TCF7L1: variants seen among roughly 807,000 people sequenced by gnomAD.
TCF7L1 encodes the protein transcription factor 7 like 1.
TCF7L1 carries 18 observed loss-of-function variants against 63.7 expected under a neutral mutation model. That is an observed-to-expected ratio of 0.28 (90% CI 0.20 to 0.42). The LOEUF is 0.42. TCF7L1 is among the 10% of genes least tolerant of loss of function. The pLI is 1.00. For synonymous variants in TCF7L1, 355 were observed against 340.9 expected (o/e 1.04, Z -0.46); for missense variants, 654 against 779.3 (o/e 0.84, Z 1.91).
At chr2:85,155,800 G>T (rs1264079147) in intron 3 of TCF7L1, among the ~76,000 whole-genome samples, 1 of 151,924 alleles carries the variant, frequency 6.6e-6, no homozygotes. Flanking sequence ...TACCCACCAG[G>T]CCCGTCTGCA....
chr2:85,300,350 T>G (rs1681939964), intron 4 of TCF7L1, among the ~76,000 whole-genome samples: 1 of 152,246 alleles, frequency 6.6e-6, no homozygotes, highest in Non-Finnish European at 1.5e-5. Context: ...AAATCTGATC[T>G]TACAATAATT....
intron 3 of TCF7L1, among the ~76,000 whole-genome samples, chr2:85,143,024 A>G (rs1677781955): frequency 6.6e-6 from 1 of 152,234 alleles, no homozygotes; most frequent in Admixed American, 6.5e-5. Context: ...TGGAAATAAA[A>G]TCATAAAAAT....
chr2:85,249,469 T>TC (rs1680542664), intron 3 of TCF7L1, among the ~76,000 whole-genome samples: 1 of 152,206 alleles, frequency 6.6e-6, no homozygotes, highest in Non-Finnish European at 1.5e-5. Flanking sequence ...TGTGCCTCTT[T>TC]CCTTTTTTTC....
chr2:85,227,847 C>G (rs1045327344), intron 3 of TCF7L1, among the ~76,000 whole-genome samples: 1 of 151,598 alleles, frequency 6.6e-6, no homozygotes, highest in Non-Finnish European at 1.5e-5. Flanking sequence ...TAAAAATTAG[C>G]CAGGCGTGGT....
intron 3 of TCF7L1, among the ~76,000 whole-genome samples, chr2:85,140,426 G>C (rs1677699317): frequency 6.6e-6 from 1 of 151,978 alleles, no homozygotes; most frequent in Non-Finnish European, 1.5e-5. Flanking sequence ...AGGATGGAAG[G>C]GAGCATTGGG....
At chr2:85,261,172 G>GT (rs1558649433) in intron 3 of TCF7L1, among the ~76,000 whole-genome samples, 7 of 140,660 alleles carry the variant, frequency 5.0e-5, no homozygotes, top group African/African-American at 1.1e-4. Flanking sequence ...GTGTGTGTGT[G>GT]GTATTTCATA....
chr2:85,302,663 T>G (rs762190975), intron 5 of TCF7L1, 47 bp downstream of exon 5: 3 of 1,461,454 alleles, frequency 2.1e-6, no homozygotes, highest in East Asian at 6.1e-5. Flanking sequence ...GCAGGCGGGC[T>G]TCTCTTTTGT....
At chr2:85,262,342 C>A in intron 3 of TCF7L1, 1 of 492,776 alleles carries the variant, frequency 2.0e-6, no homozygotes, top group Non-Finnish European at 4.1e-6. Flanking sequence ...AGCACACCCG[C>A]ACGCTGCCTC....
In TCF7L1 at chr2:85,226,816, CTTTTT is replaced by C. The variant is rs58016100; in HGVS notation, c.442-56665_442-56661del. Among the ~76,000 whole-genome samples the C allele has an allele frequency of 1.7e-3, 228 of 137,430 alleles. 3 individuals are homozygous for C. Among genetic ancestry groups the C allele is most frequent in the Non-Finnish European group, 7.5e-4 (48 of 63,592 alleles). 90.2% of individuals were successfully genotyped at this position (137,430 alleles called of 152,430 possible). A position where few individuals can be genotyped will look rare whatever the true frequency, so the allele number is the denominator to read the frequency against. On this transcript the variant is annotated intron_variant, in intron 3 of 11. Coordinates refer to ENST00000282111, the MANE Select transcript of TCF7L1 (RefSeq NM_031283.3). The stretch of plus-strand genomic sequence containing the variant: ...TCCCTTTCTGTTTATCTCCCCCCGC[CTTTTT>C]TTTTTTTTTTTTTAACCTCCCAGTG...
chr2:85,304,421 G>A lies in TCF7L1; in HGVS notation c.845+83G>A, dbSNP rs555747253. 1.1e-4 allele frequency: 158 copies of A among 1,439,978 alleles called. 2 individuals are homozygous for A. In the South Asian group the frequency reaches 1.9e-3, roughly 17 times the overall value. 89.2% of individuals were successfully genotyped at this position (1,439,978 alleles called of 1,614,324 possible). ...ACCACGAAACAGCTTTTTCTTGCCAGTTAATGAGCAGGCACAGGGCTCACC... is the reference window on the plus strand; with the variant it reads ...ACCACGAAACAGCTTTTTCTTGCCAATTAATGAGCAGGCACAGGGCTCACC... On this transcript the variant is annotated intron_variant, in intron 7 of 11. Coordinates refer to ENST00000282111, the MANE Select transcript of TCF7L1 (RefSeq NM_031283.3).
intron 4 of TCF7L1, among the ~76,000 whole-genome samples, chr2:85,296,051 C>T (rs1000048452): frequency 1.3e-5 from 2 of 152,096 alleles, no homozygotes; most frequent in East Asian, 3.9e-4. Context: ...ATGCTGGGAC[C>T]ATAGGCTTGA....
At chr2:85,302,405 T>TA (rs1682002854) in intron 4 of TCF7L1, 79 bp from the exon 5 acceptor site, 1 of 1,599,776 alleles carries the variant, frequency 6.3e-7, no homozygotes. Flanking sequence ...ACCTGGCACT[T>TA]ACTTGATTCC....
intron 3 of TCF7L1, among the ~76,000 whole-genome samples, chr2:85,202,984 C>T (rs181915729): frequency 6.6e-6 from 1 of 151,892 alleles, no homozygotes; most frequent in Admixed American, 6.5e-5. Flanking sequence ...CAGGCACCCG[C>T]CACCACGCCC....
intron 3 of TCF7L1, among the ~76,000 whole-genome samples, chr2:85,161,480 G>A (rs1362656389): frequency 6.6e-6 from 1 of 152,180 alleles, no homozygotes; most frequent in East Asian, 1.9e-4. Flanking sequence ...CACTGAGCTG[G>A]GAGCTCTCCT....
chr2:85,162,245 AT>A (rs1228241572), intron 3 of TCF7L1, among the ~76,000 whole-genome samples: 2 of 152,138 alleles, frequency 1.3e-5, no homozygotes, highest in African/African-American at 4.8e-5. Context: ...CTCAAAAAAA[AT>A]AAATAAATAA....
At chr2:85,208,097 A>G (rs925563901) in intron 3 of TCF7L1, among the ~76,000 whole-genome samples, 2 of 152,234 alleles carry the variant, frequency 1.3e-5, no homozygotes, top group South Asian at 2.1e-4. Flanking sequence ...TAGTAGAGAC[A>G]GGGTTTCACC....
chr2:85,173,449 G>A (rs185331791), intron 3 of TCF7L1, among the ~76,000 whole-genome samples: 83 of 152,292 alleles, frequency 5.5e-4, no homozygotes, highest in African/African-American at 1.9e-3. Flanking sequence ...AGCACTCTGC[G>A]GGGAGGAGGG....
intron 3 of TCF7L1, among the ~76,000 whole-genome samples, chr2:85,250,442 A>T (rs929818502): frequency 2.3e-4 from 35 of 149,062 alleles, no homozygotes; most frequent in African/African-American, 6.6e-4. Context: ...AAAAGTGAGA[A>T]TTTTTTTTTT....
intron 3 of TCF7L1, among the ~76,000 whole-genome samples, chr2:85,228,568 G>A (rs776799387): frequency 6.6e-6 from 1 of 152,162 alleles, no homozygotes; most frequent in African/African-American, 2.4e-5. Context: ...GGTGGGTTGG[G>A]GCTCCCTGCA....
Sources: allele counts gnomAD v4.1 joint callset (sites outside exome capture counted in the v4.1 genomes callset), GRCh38; gene constraint gnomAD v4.1.1; transcripts MANE v1.5; gene names NCBI Gene and HGNC (gene_info 2026-07-23, HGNC 2026-07-21).